The following RPS6KC1 variants were observed in gnomAD, a reference collection of about 807,000 sequenced individuals.
RPS6KC1 encodes the protein ribosomal protein S6 kinase C1.
Under a neutral mutation model 103.8 loss-of-function variants are expected in RPS6KC1, and 54 were observed. The observed-to-expected ratio is 0.52, with a 90% CI of 0.42 to 0.65. RPS6KC1 has a LOEUF of 0.65. RPS6KC1 is among the 30% of genes least tolerant of loss of function. The pLI, the probability that RPS6KC1 is intolerant of heterozygous loss-of-function variation, is 0.00. For missense variants in RPS6KC1, 1,151 were observed against 1,253.8 expected (o/e 0.92, Z 1.24); for synonymous variants, 439 against 438.7 (o/e 1.00, Z -0.01).
chr1:213,366,978 G>A, the RPS6KC1 span, among the ~76,000 whole-genome samples: 1 of 152,186 alleles, frequency 6.6e-6, no homozygotes, highest in Admixed American at 6.5e-5. Context: ...GAAGATAGAG[G>A]TCGTAGTCTT....
chr1:213,721,608 A>C, the RPS6KC1 span, among the ~76,000 whole-genome samples: 39,396 of 151,966 alleles, frequency 0.26, 5,618 homozygotes, highest in Middle Eastern at 0.38. Flanking sequence ...GAAGCATGAA[A>C]ACAGACTAAT....
chr1:213,112,764 T>C (rs529943577), intron 4 of RPS6KC1, among the ~76,000 whole-genome samples: 1 of 151,926 alleles, frequency 6.6e-6, no homozygotes, highest in East Asian at 1.9e-4. Context: ...CCTTCCTGTG[T>C]CCATGTGTTC....
At chr1:213,537,881 C>G in the RPS6KC1 span, among the ~76,000 whole-genome samples, 2 of 152,100 alleles carry the variant, frequency 1.3e-5, no homozygotes, top group Non-Finnish European at 1.5e-5. Flanking sequence ...TCTATTGGCT[C>G]TTATGAACAT....
the RPS6KC1 span, among the ~76,000 whole-genome samples, chr1:213,435,822 T>G: frequency 6.6e-6 from 1 of 152,200 alleles, no homozygotes; most frequent in Non-Finnish European, 1.5e-5. Context: ...TACAGAGTTT[T>G]CTATACACAG....
the RPS6KC1 span, among the ~76,000 whole-genome samples, chr1:213,461,024 A>T: frequency 6.6e-6 from 1 of 152,086 alleles, no homozygotes; most frequent in East Asian, 1.9e-4. Flanking sequence ...ACATGATTGT[A>T]TATGTAGAAA....
the RPS6KC1 span, among the ~76,000 whole-genome samples, chr1:213,668,738 A>G: frequency 6.6e-6 from 1 of 152,112 alleles, no homozygotes; most frequent in Non-Finnish European, 1.5e-5. Flanking sequence ...CTCCATTGAA[A>G]ATCTATTGTT....
chr1:213,728,937 G>GTTTTTTTTTTTT, the RPS6KC1 span, among the ~76,000 whole-genome samples: 1,121 of 93,350 alleles, frequency 0.012, 240 homozygotes, highest in African/African-American at 0.022. Context: ...GAACATGAGG[G>GTTTTTTTTTTTT]TTTTTTTTTT....
At chr1:213,532,311 ACT>A in the RPS6KC1 span, among the ~76,000 whole-genome samples, 2 of 151,720 alleles carry the variant, frequency 1.3e-5, no homozygotes, top group Admixed American at 1.3e-4. Context: ...CATTAGGATA[ACT>A]CTCTCCATCT....
intron 7 of RPS6KC1, among the ~76,000 whole-genome samples, chr1:213,174,609 G>A (rs943852099): frequency 1.4e-5 from 2 of 147,772 alleles, no homozygotes; most frequent in Non-Finnish European, 3.0e-5. Flanking sequence ...GGCAGAGGTT[G>A]CAGTGAGCCA....
At chr1:213,115,102 T>C in intron 4 of RPS6KC1, among the ~76,000 whole-genome samples, 1 of 152,244 alleles carries the variant, frequency 6.6e-6, no homozygotes, top group Non-Finnish European at 1.5e-5. Context: ...CTTTTTCTAT[T>C]GATTGGAATA....
the RPS6KC1 span, among the ~76,000 whole-genome samples, chr1:213,827,814 C>G: frequency 7.2e-5 from 11 of 152,078 alleles, no homozygotes; most frequent in African/African-American, 2.7e-4. Context: ...AATGCAGCCC[C>G]CAGCTTTCTA....
At chr1:213,815,064 G>T in the RPS6KC1 span, among the ~76,000 whole-genome samples, 1 of 152,170 alleles carries the variant, frequency 6.6e-6, no homozygotes, top group East Asian at 1.9e-4. Context: ...GGGGATGATT[G>T]AATCATGGGG....
the RPS6KC1 span, among the ~76,000 whole-genome samples, chr1:213,341,941 G>A: frequency 1.3e-5 from 2 of 152,186 alleles, no homozygotes; most frequent in Non-Finnish European, 2.9e-5. Flanking sequence ...AGAGTGCTTA[G>A]CTCATTGCTA....
intron 2 of RPS6KC1, among the ~76,000 whole-genome samples, chr1:213,074,348 C>T (rs536580955): frequency 1.8e-3 from 278 of 152,196 alleles, no homozygotes; most frequent in African/African-American, 6.3e-3. Flanking sequence ...AAATAAGAAA[C>T]TTATGGAGAC....
At chr1:213,199,221 G>T (rs1190347303) in intron 8 of RPS6KC1, among the ~76,000 whole-genome samples, 1 of 152,150 alleles carries the variant, frequency 6.6e-6, no homozygotes, top group African/African-American at 2.4e-5. Context: ...TATTTTTGAT[G>T]AATATCAAGG....
At chr1:213,798,586 G>A in the RPS6KC1 span, among the ~76,000 whole-genome samples, 3 of 152,066 alleles carry the variant, frequency 2.0e-5, no homozygotes, top group Non-Finnish European at 4.4e-5. Flanking sequence ...CTTCCTCCAG[G>A]GCCCCTCCCA....
At chr1:213,238,815 G>T (rs1282014844) in intron 10 of RPS6KC1, among the ~76,000 whole-genome samples, 2 of 152,114 alleles carry the variant, frequency 1.3e-5, no homozygotes, top group Admixed American at 1.3e-4. Flanking sequence ...CATTGTGTAG[G>T]CAGTAGACAT....
At chr1:213,118,175 G>A (rs186802455) in intron 5 of RPS6KC1, among the ~76,000 whole-genome samples, 178 of 151,980 alleles carry the variant, frequency 1.2e-3, no homozygotes, top group African/African-American at 3.1e-3. Flanking sequence ...TAAATAAAAT[G>A]AGTCTAAATC....
chr1:213,331,592 TC>T, the RPS6KC1 span, among the ~76,000 whole-genome samples: 1 of 152,194 alleles, frequency 6.6e-6, no homozygotes, highest in East Asian at 1.9e-4. Context: ...TGCACCTGCG[TC>T]CTGTGCACTG....
Sources: allele counts gnomAD v4.1 joint callset (sites outside exome capture counted in the v4.1 genomes callset), GRCh38; gene constraint gnomAD v4.1.1; transcripts MANE v1.5; gene names NCBI Gene and HGNC (gene_info 2026-07-23, HGNC 2026-07-21).